Variants in SLC5A4 observed in about 807,000 individuals in gnomAD.
SLC5A4 encodes probable glucose sensor protein SLC5A4.
A neutral mutation model predicts 70.3 loss-of-function variants in SLC5A4; 55 were observed. That is an observed-to-expected ratio of 0.78 (90% confidence interval 0.63 to 0.98). The LOEUF is 0.98. SLC5A4 is among the 50% of genes least tolerant of loss of function. The probability of loss-of-function intolerance (pLI) is 0.00; values close to 1 mark genes in which losing one functional copy is unlikely to be tolerated. For missense variants in SLC5A4, 735 were observed against 839.2 expected, an observed-to-expected ratio of 0.88 and a Z score of 1.53; for synonymous variants, 268 against 305.7, an observed-to-expected ratio of 0.88 and a Z score of 1.29.
the SLC5A4 span, among the ~76,000 whole-genome samples, chr22:32,279,951 T>G: frequency 3.9e-5 from 6 of 152,208 alleles, no homozygotes; most frequent in African/African-American, 1.4e-4. Flanking sequence ...GATGCACACC[T>G]GGACAGGTGG....
At chr22:32,352,808 T>C in the SLC5A4 span, among the ~76,000 whole-genome samples, 1 of 152,244 alleles carries the variant, frequency 6.6e-6, no homozygotes, top group African/African-American at 2.4e-5. Flanking sequence ...GCACTGCCTG[T>C]GCCCTGGCGG....
the SLC5A4 span, among the ~76,000 whole-genome samples, chr22:32,303,002 C>G: frequency 0.26 from 39,042 of 151,684 alleles, 5,028 homozygotes; most frequent in East Asian, 0.31. Flanking sequence ...AGTGTTTTCT[C>G]TTTTTTAAAA....
chr22:32,315,996 G>A, the SLC5A4 span, among the ~76,000 whole-genome samples: 36 of 150,978 alleles, frequency 2.4e-4, 1 homozygote, highest in East Asian at 5.7e-3. Context: ...ATGAAACCCC[G>A]TCTCTACTAA....
At chr22:32,241,279 A>G (rs1482932371) in intron 5 of SLC5A4, among the ~76,000 whole-genome samples, 1 of 152,238 alleles carries the variant, frequency 6.6e-6, no homozygotes, top group East Asian at 1.9e-4. Flanking sequence ...TCCTTGGTAA[A>G]TTCCAAAAGG....
chr22:32,269,203 T>C, the SLC5A4 span, among the ~76,000 whole-genome samples: 1 of 152,234 alleles, frequency 6.6e-6, no homozygotes, highest in African/African-American at 2.4e-5. The surrounding 1 kb of genome is among the most constrained non-coding windows in gnomAD (Gnocchi z 4.1). Flanking sequence ...ATGTTTTTTA[T>C]TACTTTTTTA....
the SLC5A4 span, among the ~76,000 whole-genome samples, chr22:32,341,442 C>T: frequency 6.6e-6 from 1 of 152,190 alleles, no homozygotes; most frequent in African/African-American, 2.4e-5. Context: ...GCCCTCTCTG[C>T]CGGGATGACC....
the SLC5A4 span, among the ~76,000 whole-genome samples, chr22:32,334,504 G>A: frequency 1.5e-4 from 23 of 152,202 alleles, no homozygotes; most frequent in South Asian, 2.1e-3. Flanking sequence ...GCCTCCCCCC[G>A]GGCCTCCCTG....
At chr22:32,239,733 T>C (rs1335794010) in intron 5 of SLC5A4, among the ~76,000 whole-genome samples, 2 of 146,646 alleles carry the variant, frequency 1.4e-5, no homozygotes, top group East Asian at 4.0e-4. Flanking sequence ...ATAGAAAGTA[T>C]GTACCAAACG....
chr22:32,316,107 T>C, the SLC5A4 span, among the ~76,000 whole-genome samples: 1 of 65,244 alleles, frequency 1.5e-5, no homozygotes, highest in Non-Finnish European at 2.9e-5. Context: ...AGACTCTGTC[T>C]GAAAAAAAAA....
chr22:32,297,386 G>C, the SLC5A4 span, among the ~76,000 whole-genome samples: 1 of 151,688 alleles, frequency 6.6e-6, no homozygotes, highest in Non-Finnish European at 1.5e-5. Flanking sequence ...TCTTGGGAGA[G>C]TGTACGTGTC....
chr22:32,242,564 C>G (rs137973345), intron 5 of SLC5A4, among the ~76,000 whole-genome samples: 1 of 152,116 alleles, frequency 6.6e-6, no homozygotes, highest in Admixed American at 6.5e-5. Context: ...AAAAAATTAG[C>G]CAGGTATGGT....
chr22:32,348,718 G>C, the SLC5A4 span, among the ~76,000 whole-genome samples: 12 of 151,908 alleles, frequency 7.9e-5, 1 homozygote, highest in African/African-American at 2.9e-4. Context: ...ATTTTTTCTT[G>C]TTAAAGAACT....
the SLC5A4 span, among the ~76,000 whole-genome samples, chr22:32,290,479 C>T: frequency 0.48 from 73,534 of 151,948 alleles, 17,922 homozygotes; most frequent in Admixed American, 0.52. Context: ...CTTTAAATTT[C>T]TATTTTTCTA....
the SLC5A4 span, chr22:32,276,919 T>G: frequency 6.6e-6 from 1 of 152,182 alleles, no homozygotes; most frequent in Non-Finnish European, 1.5e-5. Flanking sequence ...ATTCTAGGTA[T>G]AAATTTTCAC....
At chr22:32,305,950 C>T in the SLC5A4 span, among the ~76,000 whole-genome samples, 1 of 152,022 alleles carries the variant, frequency 6.6e-6, no homozygotes, top group African/African-American at 2.4e-5. Flanking sequence ...GTCCACCTGC[C>T]ATTGGCATTG....
At chr22:32,347,672 AG>A in the SLC5A4 span, among the ~76,000 whole-genome samples, 1 of 121,728 alleles carries the variant, frequency 8.2e-6, no homozygotes, top group African/African-American at 3.2e-5. Context: ...ACATGGACAC[AG>A]GAAGGGGAAC....
At chr22:32,227,481 C>G (rs536591095) in intron 11 of SLC5A4, among the ~76,000 whole-genome samples, 71 of 152,322 alleles carry the variant, frequency 4.7e-4, no homozygotes, top group African/African-American at 1.6e-3. Context: ...CAACAAAGTA[C>G]AGTCTTTTAA....
At chr22:32,237,744 T>G (rs1028989545) in intron 6 of SLC5A4, among the ~76,000 whole-genome samples, 7 of 152,200 alleles carry the variant, frequency 4.6e-5, no homozygotes, top group Non-Finnish European at 8.8e-5. Context: ...GTACCAGATA[T>G]AGTTACTGTG....
chr22:32,220,451 G>T (rs1925009240), intron 14 of SLC5A4, among the ~76,000 whole-genome samples: 1 of 152,148 alleles, frequency 6.6e-6, no homozygotes, highest in African/African-American at 2.4e-5. Flanking sequence ...AGTGAGATTA[G>T]AACTTAGTTT....
Sources: allele counts gnomAD v4.1 joint callset (sites outside exome capture counted in the v4.1 genomes callset), GRCh38; gene constraint gnomAD v4.1.1; non-coding constraint Gnocchi (gnomAD v3.1); transcripts MANE v1.5; gene names NCBI Gene and HGNC (gene_info 2026-07-23, HGNC 2026-07-21).